Variants in EMILIN2 observed in about 807,000 individuals in gnomAD.
EMILIN2 encodes the protein EMILIN-2.
In EMILIN2, 71 loss-of-function variants were observed where a neutral mutation model predicts 87.1. That is an observed-to-expected ratio of 0.82 (90% CI 0.67 to 0.99). The LOEUF is 0.99. EMILIN2 is among the 50% of genes least tolerant of loss of function. The probability of loss-of-function intolerance (pLI) is 0.00; values close to 1 mark genes in which losing one functional copy is unlikely to be tolerated. For missense variants in EMILIN2, 1,407 were observed against 1,371.8 expected (o/e 1.03, Z -0.40); for synonymous variants, 581 against 563.4 (o/e 1.03, Z -0.44).
chr18:2,858,581 GTGTATATATATATATATATA>G lies in EMILIN2; in HGVS notation c.257+10654_257+10673del, dbSNP rs1316508415. Among the ~76,000 whole-genome samples the G allele has an allele frequency of 6.9e-3, 448 of 64,770 alleles. 10 individuals are homozygous for G. Among genetic ancestry groups the G allele is most frequent in the Admixed American group, 9.4e-3 (52 of 5,518 alleles). The allele number at this position is 64,770 out of a possible 152,430, so 42.5% of individuals were successfully genotyped here. A position where few individuals can be genotyped will look rare whatever the true frequency, so the allele number is the denominator to read the frequency against. ...TATATATATATATATGTGTGTGTGT[GTGTATATATATATATATATA>G]TGTGTATATATATATATGTTCCACA... On this transcript the variant is annotated intron_variant, in intron 2 of 7. Transcript: ENST00000254528.
chr18:2,871,310 C>G (rs1353313571), intron 2 of EMILIN2, among the ~76,000 whole-genome samples: 8 of 152,188 alleles, frequency 5.3e-5, no homozygotes, highest in Non-Finnish European at 8.8e-5. Flanking sequence ...CTCCTGGGCT[C>G]AAGTGATCCT....
At chr18:2,866,785 G>A (rs2076688559) in intron 2 of EMILIN2, among the ~76,000 whole-genome samples, 1 of 152,154 alleles carries the variant, frequency 6.6e-6, no homozygotes. Context: ...AGTTCTCAGA[G>A]GGAAAGCTTT....
chr18:2,907,923 A>G (rs1047571572), intron 5 of EMILIN2, among the ~76,000 whole-genome samples: 1 of 152,228 alleles, frequency 6.6e-6, no homozygotes. Context: ...CAGGCTGACC[A>G]TCAGGGACAT....
chr18:2,892,508 T>C, intron 4 of EMILIN2, 22 bp downstream of exon 4: 3 of 1,543,904 alleles, frequency 1.9e-6, no homozygotes, highest in Non-Finnish European at 2.6e-6. Flanking sequence ...ATTACAATTC[T>C]ATTTCTTGTA....
At position 2,889,819 on chromosome 18, in the gene EMILIN2, C is replaced by T. The variant is rs896733099; in HGVS notation, c.434-742C>T. 5.3e-5 allele frequency among the ~76,000 whole-genome samples: 8 copies of T among 151,866 alleles called. No homozygotes were observed. In the South Asian group the frequency reaches 1.0e-3, roughly 20 times the overall value. On this transcript the variant is annotated intron_variant, in intron 3 of 7. Transcript: ENST00000254528. ...CTGAGACTACAGGCACACACCACCT[C>T]CCTGACCAGCTTTCAATATTTGCAT...
intron 4 of EMILIN2, among the ~76,000 whole-genome samples, chr18:2,905,950 AGAC>A (rs1244011241): frequency 7.9e-5 from 12 of 152,140 alleles, no homozygotes; most frequent in African/African-American, 2.7e-4. Flanking sequence ...AAACAAAACT[AGAC>A]GGCAGGTCGG....
In EMILIN2 at chr18:2,848,593, T is replaced by TA. The variant is rs35023532; in HGVS notation, c.257+677dup. On this transcript the variant is annotated intron_variant, in intron 2 of 7. Transcript: ENST00000254528. The surrounding 1 kb of genome is among the most constrained non-coding windows in gnomAD (Gnocchi z 4.1). Reference sequence around the variant, plus strand: ...TTTGCTTATAAAGATTTCCCCATCTTAAAAAAAAAAAAAAACAGGAAGCAA... The same window carrying TA: ...TTTGCTTATAAAGATTTCCCCATCTTAAAAAAAAAAAAAAAACAGGAAGCAA... Among the ~76,000 whole-genome samples the TA allele has an allele frequency of 0.28, 39,668 of 140,200 alleles. 5,355 individuals are homozygous for TA. Among genetic ancestry groups the TA allele is most frequent in the Non-Finnish European group, 0.32 (20,249 of 64,076 alleles). The allele number at this position is 140,200 out of a possible 152,430, so 92.0% of individuals were successfully genotyped here. A position where few individuals can be genotyped will look rare whatever the true frequency, so the allele number is the denominator to read the frequency against.
intron 7 of EMILIN2, among the ~76,000 whole-genome samples, chr18:2,912,436 G>T (rs1297087477): frequency 6.6e-6 from 1 of 152,220 alleles, no homozygotes; most frequent in Non-Finnish European, 1.5e-5. Context: ...GAGCCCGTGA[G>T]TGATGGCCAT....
At chr18:2,895,187 T>A (rs1191777905) in intron 4 of EMILIN2, among the ~76,000 whole-genome samples, 2 of 152,014 alleles carry the variant, frequency 1.3e-5, no homozygotes, top group South Asian at 2.1e-4. Flanking sequence ...ATGAGCCACC[T>A]TGAGTGTTCA....
chr18:2,907,166 T>A (rs2076918599), intron 5 of EMILIN2, 81 bp downstream of exon 5: 6 of 1,211,832 alleles, frequency 5.0e-6, no homozygotes, highest in Non-Finnish European at 6.2e-6. Flanking sequence ...CTGAGGGGCG[T>A]GGCGGTTCGG....
At chr18:2,875,973 T>A (rs1277303317) in intron 2 of EMILIN2, among the ~76,000 whole-genome samples, 5 of 132,320 alleles carry the variant, frequency 3.8e-5, no homozygotes, top group Admixed American at 2.5e-4. Flanking sequence ...GTGAAAAGGA[T>A]TTTAGATTTT....
chr18:2,864,816 C>G (rs2076678353), intron 2 of EMILIN2, among the ~76,000 whole-genome samples: 1 of 152,028 alleles, frequency 6.6e-6, no homozygotes, highest in Admixed American at 6.6e-5. Context: ...GAGTGTTTTC[C>G]AACTTGGTTC....
rs183551689 is a variant in EMILIN2 at position 2,892,012 on chromosome 18, A to G, written c.1885A>G (p.Met629Val). 1 of 1,614,230 alleles carries G rather than the reference A, an allele frequency of 6.2e-7. No individual in the cohort carries two copies. The highest frequency in any genetic ancestry group is 1.7e-5 in the Admixed American group (1 of 60,028). The stretch of plus-strand genomic sequence containing the variant: ...TGATGTGACTCATCTTCAAAAGGAA[A>G]TGAGCAATTGTAGAGCAGGTGAAAA... ...ENDVTHLQKE[M>V]SNCRAGENAG... The change falls in exon 4 of 8, where the codon ATG becomes GTG. Residue 629 changes from methionine to valine, a missense_variant. Coordinates refer to ENST00000254528, the MANE Select transcript of EMILIN2 (RefSeq NM_032048.3).
At chr18:2,909,918 C>T in intron 7 of EMILIN2, 99 bp downstream of exon 7, 1 of 1,528,592 alleles carries the variant, frequency 6.5e-7, no homozygotes, top group East Asian at 2.3e-5. Flanking sequence ...GTCCCGTGGG[C>T]TCAGGGAGGA....
chr18:2,894,066 G>A lies in EMILIN2; in HGVS notation c.2359+1580G>A, dbSNP rs1283466241. Among the ~76,000 whole-genome samples, 1 of 152,138 alleles carries A rather than the reference G, an allele frequency of 6.6e-6. No individual in the cohort carries two copies. The highest frequency in any genetic ancestry group is 2.4e-5 in the African/African-American group (1 of 41,418). On this transcript the variant is annotated intron_variant, in intron 4 of 7. Coordinates refer to ENST00000254528, the MANE Select transcript of EMILIN2 (RefSeq NM_032048.3). This position sits in a 1 kb window ranked among gnomAD's most constrained non-coding sequence, Gnocchi z 5.0. ...CCTCCCTGACCTGGTTCCGCTCTGG[G>A]TGACACAGGCCCTTGCACAAGGAAC... is the stretch of plus-strand genomic sequence containing the variant.
At chr18:2,846,665 C>A, upstream of EMILIN2, 1 of 735,328 alleles carries the variant, frequency 1.4e-6, no homozygotes, top group Non-Finnish European at 1.7e-6. This position sits in a 1 kb window ranked among gnomAD's most constrained non-coding sequence, Gnocchi z 5.3. Context: ...GGGAGGCTGG[C>A]ACCCAGGCAC....
upstream of EMILIN2, chr18:2,847,002 C>A: frequency 9.7e-7 from 1 of 1,034,780 alleles, no homozygotes; most frequent in Non-Finnish European, 1.2e-6. The surrounding 1 kb of genome is among the most constrained non-coding windows in gnomAD (Gnocchi z 4.5). Context: ...GCGCACGGGG[C>A]TGCAGAAGGA....
chr18:2,868,219 G>T (rs576962971), intron 2 of EMILIN2, among the ~76,000 whole-genome samples: 6 of 151,932 alleles, frequency 3.9e-5, no homozygotes, highest in African/African-American at 1.2e-4. Context: ...GGGCAGAGGC[G>T]CTCCCCACAT....
intron 2 of EMILIN2, among the ~76,000 whole-genome samples, chr18:2,866,880 G>A (rs952250107): frequency 1.6e-4 from 24 of 152,136 alleles, no homozygotes; most frequent in African/African-American, 5.6e-4. Flanking sequence ...CTTGTATGCC[G>A]ATTTTGCTGA....
Sources: gnomAD v4.1 joint callset for allele counts (sites outside exome capture counted in the v4.1 genomes callset) on GRCh38, gnomAD v4.1.1 for gene constraint, Gnocchi (gnomAD v3.1) non-coding constraint, MANE v1.5 for transcripts, NCBI Gene and HGNC (gene_info 2026-07-23, HGNC 2026-07-21) for gene names.